Variants in OR7E24 observed in about 807,000 individuals in gnomAD.
OR7E24 encodes the protein olfactory receptor 7E24.
For missense variants in OR7E24, 385 were observed against 410.3 expected, an observed-to-expected ratio of 0.94 and a Z score of 0.53; for synonymous variants, 130 against 157.5, an observed-to-expected ratio of 0.83 and a Z score of 1.31.
At chr19:9,214,611 G>A in the OR7E24 span, 2 of 1,614,142 alleles carry the variant, frequency 1.2e-6, no homozygotes, top group Non-Finnish European at 1.7e-6. Flanking sequence ...GGGGACTGTG[G>A]TGGAGATGAA....
the OR7E24 span, chr19:9,211,635 G>C: frequency 6.6e-6 from 1 of 152,030 alleles, no homozygotes; most frequent in Admixed American, 6.6e-5. Flanking sequence ...ACGAGGTCAG[G>C]AGTTTGAGAC....
the OR7E24 span, chr19:9,235,736 T>G: frequency 1.2e-6 from 2 of 1,606,124 alleles, no homozygotes; most frequent in Admixed American, 1.7e-5. Context: ...ATTAACATTG[T>G]CTTGTATGTG....
chr19:9,222,470 T>G, the OR7E24 span, among the ~76,000 whole-genome samples: 1 of 152,218 alleles, frequency 6.6e-6, no homozygotes, highest in Non-Finnish European at 1.5e-5. Context: ...CTTCTTTAAT[T>G]TCTTTCAACA....
the OR7E24 span, among the ~76,000 whole-genome samples, chr19:9,237,124 T>C: frequency 3.9e-5 from 6 of 152,228 alleles, 1 homozygote; most frequent in Admixed American, 1.3e-4. Context: ...GCTGGTTCAT[T>C]CATAAAATTC....
the OR7E24 span, among the ~76,000 whole-genome samples, chr19:9,228,616 C>T: frequency 6.6e-6 from 1 of 152,204 alleles, no homozygotes; most frequent in Non-Finnish European, 1.5e-5. Flanking sequence ...TCAACAAAGG[C>T]TTCCATGTCA....
the OR7E24 span, among the ~76,000 whole-genome samples, chr19:9,226,372 G>A: frequency 2.6e-5 from 4 of 152,168 alleles, no homozygotes; most frequent in African/African-American, 7.2e-5. Context: ...TGCTGGGTCC[G>A]GTTTCCACTG....
the OR7E24 span, among the ~76,000 whole-genome samples, chr19:9,224,333 C>G: frequency 6.6e-6 from 1 of 152,180 alleles, no homozygotes; most frequent in Non-Finnish European, 1.5e-5. Context: ...ACCCCGTCAT[C>G]AAGCATCCCA....
chr19:9,251,997 C>A lies in OR7E24; in HGVS notation c.954C>A (p.Ala318=). Residue 318 remains alanine, a synonymous_variant, in exon 1 of 1, where the codon GCC becomes GCA. Coordinates refer to ENST00000456448, the MANE Select transcript of OR7E24 (RefSeq NM_001079935.2). The stretch of plus-strand genomic sequence containing the variant: ...TGAGGAACAAGGACATTCAAAGTGC[C>A]CTGTGCAGGCTGCATGGCAGAATCA... ...YSLRNKDIQS[A]LCRLHGRIIK... is the part of the protein sequence containing the mutation. 6.2e-7 allele frequency: 1 copy of A among 1,614,138 alleles called. No individual in the cohort carries two copies. Among genetic ancestry groups the A allele is most frequent in the South Asian group, 1.1e-5 (1 of 91,082 alleles).
the OR7E24 span, chr19:9,235,722 C>T: frequency 6.2e-6 from 10 of 1,605,508 alleles, no homozygotes; most frequent in African/African-American, 1.1e-4. Context: ...CTGATGCTCT[C>T]CTCATTAACA....
upstream of OR7E24, among the ~76,000 whole-genome samples, chr19:9,243,799 T>C (rs910215341): frequency 2.0e-5 from 3 of 152,204 alleles, no homozygotes; most frequent in Admixed American, 6.5e-5. Flanking sequence ...ATCTGAGAAG[T>C]TGCCTCAAGC....
chr19:9,225,212 T>TA, the OR7E24 span, among the ~76,000 whole-genome samples: 3 of 151,680 alleles, frequency 2.0e-5, no homozygotes, highest in African/African-American at 7.3e-5. Context: ...CCATCTCTAC[T>TA]AAAAAAAATT....
the OR7E24 span, chr19:9,213,605 G>T: frequency 3.0e-6 from 1 of 327,998 alleles, no homozygotes; most frequent in Non-Finnish European, 5.7e-6. Flanking sequence ...GGCTGTGGTG[G>T]CACACACCTG....
chr19:9,240,782 G>T, the OR7E24 span, among the ~76,000 whole-genome samples: 4 of 151,940 alleles, frequency 2.6e-5, no homozygotes, highest in African/African-American at 9.7e-5. Flanking sequence ...AGAGTTTTAT[G>T]ATTTTAGCTA....
At chr19:9,243,165 G>T (rs745334627), upstream of OR7E24, among the ~76,000 whole-genome samples, 10 of 152,106 alleles carry the variant, frequency 6.6e-5, no homozygotes, top group Non-Finnish European at 1.3e-4. Flanking sequence ...AACTGGGTCT[G>T]CAGTGAAGGA....
the OR7E24 span, among the ~76,000 whole-genome samples, chr19:9,240,874 G>T: frequency 6.6e-6 from 1 of 152,116 alleles, no homozygotes; most frequent in Non-Finnish European, 1.5e-5. Context: ...CTGGAGTGCA[G>T]AGGTGTGATC....
chr19:9,222,037 G>A, the OR7E24 span, among the ~76,000 whole-genome samples: 3 of 152,100 alleles, frequency 2.0e-5, no homozygotes, highest in Non-Finnish European at 4.4e-5. Context: ...TCTCTGCCTG[G>A]ATATCCAGTT....
chr19:9,206,831 T>C, the OR7E24 span: 1 of 152,252 alleles, frequency 6.6e-6, no homozygotes, highest in African/African-American at 2.4e-5. Flanking sequence ...GCAGGCTATG[T>C]GTGACGAACT....
At chr19:9,214,851 C>G in the OR7E24 span, 3 of 1,554,978 alleles carry the variant, frequency 1.9e-6, no homozygotes, top group South Asian at 2.4e-5. Flanking sequence ...GCTGTTGTGT[C>G]TGCTGGGGAA....
At chr19:9,236,213 CT>C in the OR7E24 span, 1 of 621,892 alleles carries the variant, frequency 1.6e-6, no homozygotes, top group Non-Finnish European at 2.8e-6. Flanking sequence ...TACGACTTTG[CT>C]TAAAATGTTT....
Sources: allele counts gnomAD v4.1 joint callset (sites outside exome capture counted in the v4.1 genomes callset), GRCh38; gene constraint gnomAD v4.1.1; transcripts MANE v1.5; gene names NCBI Gene and HGNC (gene_info 2026-07-23, HGNC 2026-07-21).